The following MAPK10 variants were observed in gnomAD, a reference collection of about 807,000 sequenced individuals.
MAPK10 encodes the protein JNK3 alpha protein kinase.
Under a neutral mutation model 59.3 loss-of-function variants are expected in MAPK10, and 25 were observed. That is an observed-to-expected ratio of 0.42 (90% CI 0.31 to 0.59). The LOEUF is 0.59. Among genes scored for constraint, MAPK10 ranks in the 20% least tolerant of loss-of-function variants. MAPK10 has a pLI of 0.15. For synonymous variants in MAPK10, 190 were observed against 200.5 expected, an observed-to-expected ratio of 0.95 and a Z score of 0.44; for missense variants, 351 against 568.9, an observed-to-expected ratio of 0.62 and a Z score of 3.90.
intron 2 of MAPK10, among the ~76,000 whole-genome samples, chr4:86,205,499 C>T (rs1417397856): frequency 6.6e-6 from 1 of 151,714 alleles, no homozygotes; most frequent in African/African-American, 2.4e-5. Flanking sequence ...GGTTCATAAA[C>T]TATCATACAA....
At chr4:86,081,986 G>A (rs2050755825) in intron 9 of MAPK10, 2 of 151,968 alleles carry the variant, frequency 1.3e-5, no homozygotes, top group Admixed American at 1.3e-4. Context: ...ATGAAAATGA[G>A]TTAACTATGT....
intron 1 of MAPK10, among the ~76,000 whole-genome samples, chr4:86,426,591 C>T (rs1307935646): frequency 6.6e-6 from 1 of 152,192 alleles, no homozygotes; most frequent in African/African-American, 2.4e-5. Context: ...ATGTTACATA[C>T]TGCAGCACCC....
chr4:86,024,294 A>G (rs1749033999), intron 13 of MAPK10: 1 of 152,212 alleles, frequency 6.6e-6, no homozygotes, highest in Non-Finnish European at 1.5e-5. Flanking sequence ...ACACAAATTT[A>G]TATCTACAAA....
chr4:86,297,768 A>G (rs887046769), intron 2 of MAPK10, among the ~76,000 whole-genome samples: 50 of 151,618 alleles, frequency 3.3e-4, no homozygotes, highest in African/African-American at 1.1e-3. Flanking sequence ...TTTTTTCCCT[A>G]TATCTCAGCA....
At chr4:86,386,964 T>TA (rs1490368353) in intron 1 of MAPK10, among the ~76,000 whole-genome samples, 2 of 152,010 alleles carry the variant, frequency 1.3e-5, no homozygotes, top group African/African-American at 4.8e-5. Flanking sequence ...GTAGGCTGTC[T>TA]AAAAATACTA....
At chr4:86,177,452 T>A (rs1469818891) in intron 3 of MAPK10, among the ~76,000 whole-genome samples, 1 of 152,096 alleles carries the variant, frequency 6.6e-6, no homozygotes, top group Non-Finnish European at 1.5e-5. Context: ...ATAAAATTTT[T>A]AATTGGATAT....
intron 2 of MAPK10, among the ~76,000 whole-genome samples, chr4:86,227,927 C>T (rs998616024): frequency 2.6e-5 from 4 of 152,028 alleles, no homozygotes; most frequent in Non-Finnish European, 4.4e-5. Context: ...GGAAGAAGTC[C>T]GTACTCACAG....
At chr4:86,476,240 C>G (rs539184940) in intron 1 of MAPK10, among the ~76,000 whole-genome samples, 7 of 151,976 alleles carry the variant, frequency 4.6e-5, no homozygotes, top group Non-Finnish European at 7.4e-5. Context: ...CTCACCAGGC[C>G]GAGCCAGGTC....
chr4:86,436,654 T>G (rs1472637106), intron 1 of MAPK10, among the ~76,000 whole-genome samples: 1 of 152,208 alleles, frequency 6.6e-6, no homozygotes, highest in African/African-American at 2.4e-5. Context: ...AATTTAGTTG[T>G]GGGAGCTCTT....
intron 1 of MAPK10, among the ~76,000 whole-genome samples, chr4:86,588,337 A>G (rs563551108): frequency 2.6e-4 from 39 of 152,232 alleles, no homozygotes; most frequent in Non-Finnish European, 5.0e-4. Context: ...ATCTTTTATA[A>G]CAAAAGTAAC....
At chr4:86,072,239 T>C (rs1181062630) in intron 9 of MAPK10, among the ~76,000 whole-genome samples, 3 of 150,848 alleles carry the variant, frequency 2.0e-5, no homozygotes, top group African/African-American at 7.3e-5. Context: ...TGTACATTGA[T>C]TTTGTATCCT....
chr4:86,155,591 A>C (rs1414878634), intron 4 of MAPK10, among the ~76,000 whole-genome samples: 2 of 152,020 alleles, frequency 1.3e-5, no homozygotes, highest in African/African-American at 2.4e-5. Context: ...TTTCCTACAC[A>C]TATATGCCTA....
chr4:86,045,036 T>C (rs1272240092), intron 11 of MAPK10, among the ~76,000 whole-genome samples: 6 of 152,140 alleles, frequency 3.9e-5, no homozygotes, highest in Admixed American at 1.3e-4. Flanking sequence ...AGAGGAACCT[T>C]TGAAAGCTAG....
At chr4:86,092,329 C>T (rs1390147067) in intron 9 of MAPK10, among the ~76,000 whole-genome samples, 1 of 151,942 alleles carries the variant, frequency 6.6e-6, no homozygotes, top group Non-Finnish European at 1.5e-5. Context: ...AATGCTAAGC[C>T]TTGTGCCTAG....
chr4:86,136,519 G>C (rs189088353), intron 4 of MAPK10, among the ~76,000 whole-genome samples: 2 of 149,630 alleles, frequency 1.3e-5, no homozygotes, highest in Non-Finnish European at 2.9e-5. Context: ...TGCCCTAAAA[G>C]AGCTCCTGAA....
chr4:86,307,140 G>C (rs181298244), intron 2 of MAPK10, among the ~76,000 whole-genome samples: 177 of 152,234 alleles, frequency 1.2e-3, no homozygotes, highest in Non-Finnish European at 2.1e-3. Context: ...TGAGATTCCA[G>C]TTCTCTGAGC....
At chr4:86,197,170 A>T (rs1463463563) in intron 2 of MAPK10, among the ~76,000 whole-genome samples, 1 of 152,180 alleles carries the variant, frequency 6.6e-6, no homozygotes, top group African/African-American at 2.4e-5. Flanking sequence ...TTTTCACAAT[A>T]TTGATTCTTC....
intron 3 of MAPK10, among the ~76,000 whole-genome samples, chr4:86,174,304 A>G (rs1029397430): frequency 6.6e-6 from 1 of 152,220 alleles, no homozygotes; most frequent in Non-Finnish European, 1.5e-5. Flanking sequence ...GAGGAATGAG[A>G]TCATATCCTT....
At chr4:86,501,016 G>A (rs1252780557) in intron 1 of MAPK10, among the ~76,000 whole-genome samples, 2 of 146,614 alleles carry the variant, frequency 1.4e-5, no homozygotes, top group Non-Finnish European at 3.0e-5. Context: ...TTAGGGTAAT[G>A]GTAAAAACAT....
Sources: gnomAD v4.1 joint callset for allele counts (sites outside exome capture counted in the v4.1 genomes callset) on GRCh38, gnomAD v4.1.1 for gene constraint, MANE v1.5 for transcripts, NCBI Gene and HGNC (gene_info 2026-07-23, HGNC 2026-07-21) for gene names.